Variants in SCLT1 observed in about 807,000 individuals in gnomAD.
SCLT1 encodes the protein sodium channel and clathrin linker 1, also known as sodium channel-associated protein 1.
Under a neutral mutation model 112.8 loss-of-function variants are expected in SCLT1, and 78 were observed. The ratio of observed to expected loss-of-function variants is 0.69; its 90% CI spans 0.58 to 0.83. The LOEUF is 0.83. Ranked by LOEUF, SCLT1 falls within the 40% of genes least tolerant of loss-of-function variation. The probability of loss-of-function intolerance (pLI) is 0.00; values close to 1 mark genes in which losing one functional copy is unlikely to be tolerated. For missense variants in SCLT1, 747 were observed against 770.4 expected (o/e 0.97, Z 0.36); for synonymous variants, 257 against 254.7 (o/e 1.01, Z -0.09).
intron 5 of SCLT1, among the ~76,000 whole-genome samples, chr4:129,012,347 T>C (rs191263088): frequency 2.6e-5 from 4 of 152,280 alleles, no homozygotes; most frequent in East Asian, 3.9e-4. Context: ...TTTGAGCAAA[T>C]TTCTGTTTTG....
At chr4:128,899,411 C>T (rs1734074613) in intron 18 of SCLT1, among the ~76,000 whole-genome samples, 1 of 152,088 alleles carries the variant, frequency 6.6e-6, no homozygotes, top group African/African-American at 2.4e-5. Flanking sequence ...TAAACAGAAC[C>T]AATGACAAAA....
intron 18 of SCLT1, among the ~76,000 whole-genome samples, chr4:128,920,308 T>C (rs1176670081): frequency 6.6e-6 from 1 of 152,224 alleles, no homozygotes; most frequent in Non-Finnish European, 1.5e-5. Context: ...CATTATCATC[T>C]CAACAGATGC....
intron 18 of SCLT1, among the ~76,000 whole-genome samples, chr4:128,905,900 C>G (rs528175819): frequency 6.8e-6 from 1 of 147,322 alleles, no homozygotes; most frequent in African/African-American, 2.4e-5. Context: ...CTTCATACCA[C>G]TTTAAACATC....
intron 9 of SCLT1, among the ~76,000 whole-genome samples, chr4:128,990,495 G>A (rs1404603198): frequency 6.6e-6 from 1 of 151,804 alleles, no homozygotes; most frequent in African/African-American, 2.4e-5. Context: ...CATACTGAAT[G>A]GGGAAAAACT....
At chr4:128,994,169 T>C (rs1742810137) in intron 8 of SCLT1, among the ~76,000 whole-genome samples, 1 of 152,104 alleles carries the variant, frequency 6.6e-6, no homozygotes, top group South Asian at 2.1e-4. Context: ...TGTTGATTAG[T>C]AAGTCCCCAT....
At chr4:128,886,174 T>TA (rs1428996987) in intron 20 of SCLT1, among the ~76,000 whole-genome samples, 4 of 152,214 alleles carry the variant, frequency 2.6e-5, no homozygotes, top group Non-Finnish European at 1.5e-5. Flanking sequence ...AAAAAACTCA[T>TA]ATGTTAACAG....
At chr4:128,925,748 G>A (rs764477785) in intron 18 of SCLT1, among the ~76,000 whole-genome samples, 100 of 151,866 alleles carry the variant, frequency 6.6e-4, no homozygotes, top group Non-Finnish European at 1.2e-3. Flanking sequence ...ATTTTTCTTT[G>A]GTCTTTTTTT....
chr4:129,058,083 C>T (rs914928361), intron 2 of SCLT1, among the ~76,000 whole-genome samples: 2 of 152,094 alleles, frequency 1.3e-5, no homozygotes, highest in Admixed American at 6.5e-5. Context: ...CATAATGTCT[C>T]GTTTTTTCAC....
intron 16 of SCLT1, among the ~76,000 whole-genome samples, chr4:128,945,338 T>C (rs1738056931): frequency 6.6e-6 from 1 of 152,140 alleles, no homozygotes; most frequent in Non-Finnish European, 1.5e-5. Context: ...ATAAACCAGC[T>C]CCTCCTGCAG....
At chr4:129,064,633 C>T (rs150287433) in intron 2 of SCLT1, among the ~76,000 whole-genome samples, 162 of 152,262 alleles carry the variant, frequency 1.1e-3, no homozygotes, top group African/African-American at 3.3e-3. Flanking sequence ...AGTACATTTA[C>T]ACTATATTCC....
chr4:128,966,751 T>G (rs1362866582), intron 10 of SCLT1, among the ~76,000 whole-genome samples: 1 of 152,222 alleles, frequency 6.6e-6, no homozygotes, highest in Non-Finnish European at 1.5e-5. Flanking sequence ...TTTGCCTTCA[T>G]TTTTGAAGTA....
chr4:128,919,374 T>G (rs139466445), intron 18 of SCLT1, among the ~76,000 whole-genome samples: 125 of 152,154 alleles, frequency 8.2e-4, no homozygotes, highest in African/African-American at 2.8e-3. Flanking sequence ...TTGAAACTAA[T>G]GAGAACAAAG....
At chr4:128,991,377 A>G (rs115739931) in intron 9 of SCLT1, among the ~76,000 whole-genome samples, 484 of 152,042 alleles carry the variant, frequency 3.2e-3, no homozygotes, top group Non-Finnish European at 6.2e-3. Context: ...AACTACTAGA[A>G]GAAAATGTTG....
chr4:128,967,337 T>C lies in SCLT1; in HGVS notation c.778-2019A>G, dbSNP rs145681747. Among the ~76,000 whole-genome samples, 182 of 152,368 alleles carry C rather than the reference T, an allele frequency of 1.2e-3. 3 individuals carry two copies. In the East Asian group the frequency reaches 0.029, roughly 24 times the overall value. On this transcript the variant is annotated intron_variant, in intron 10 of 20. Transcript: ENST00000281142. ...GAACATACATGGACATGTGTCTTGA[T>C]AGTAGAATGATTTATACTACTTCGT... is the stretch of plus-strand genomic sequence containing the variant.
rs150916933 is a variant in SCLT1, at chr4:129,054,159, T to C, written c.103-10108A>G. Reference sequence around the variant, plus strand: ...GCTTCCCTTTGTGGGTAACCCGACTTTTCTCTCTGGCTGCCCTTAACATAT... The same window carrying C: ...GCTTCCCTTTGTGGGTAACCCGACTCTTCTCTCTGGCTGCCCTTAACATAT... On this transcript the variant is annotated intron_variant, in intron 2 of 20. Coordinates refer to ENST00000281142, the MANE Select transcript of SCLT1 (RefSeq NM_144643.4). Among the ~76,000 whole-genome samples the C allele has an allele frequency of 6.7e-3, 1,015 of 152,288 alleles. 11 individuals carry two copies. The highest frequency in any genetic ancestry group is 0.023 in the African/African-American group (971 of 41,552).
intron 18 of SCLT1, among the ~76,000 whole-genome samples, chr4:128,933,591 CAA>C (rs1052349132): frequency 6.6e-6 from 1 of 152,008 alleles, no homozygotes; most frequent in African/African-American, 2.4e-5. Flanking sequence ...ATCATTTTTC[CAA>C]AGAGTCCTAG....
chr4:128,995,526 C>G (rs1290930513), intron 8 of SCLT1, among the ~76,000 whole-genome samples: 1 of 151,964 alleles, frequency 6.6e-6, no homozygotes, highest in Non-Finnish European at 1.5e-5. Context: ...TGCTCACGTC[C>G]GTACATTAGA....
At chr4:128,925,395 T>G (rs1736216462) in intron 18 of SCLT1, among the ~76,000 whole-genome samples, 1 of 151,894 alleles carries the variant, frequency 6.6e-6, no homozygotes, top group Non-Finnish European at 1.5e-5. Flanking sequence ...CAGGCTGGAG[T>G]GCAGCGGCAT....
At chr4:129,019,544 TATGCCAC>T (rs1355356238) in intron 5 of SCLT1, among the ~76,000 whole-genome samples, 2 of 152,110 alleles carry the variant, frequency 1.3e-5, no homozygotes, top group African/African-American at 4.8e-5. Context: ...TAGTGGCATA[TATGCCAC>T]TATATGCATA....
Sources: allele counts gnomAD v4.1 joint callset (sites outside exome capture counted in the v4.1 genomes callset), GRCh38; gene constraint gnomAD v4.1.1; transcripts MANE v1.5; gene names NCBI Gene and HGNC (gene_info 2026-07-23, HGNC 2026-07-21).